The following ENPEP variants were observed in gnomAD, a reference collection of about 807,000 sequenced individuals.
The protein encoded by ENPEP is glutamyl aminopeptidase.
Under a neutral mutation model 114.5 loss-of-function variants are expected in ENPEP, and 103 were observed. The observed-to-expected ratio is 0.90, with a 90% CI of 0.77 to 1.06. The LOEUF (loss-of-function observed/expected upper bound fraction) is 1.06. Among genes scored for constraint, ENPEP ranks in the 50% least tolerant of loss-of-function variants. The pLI is 0.00. For missense variants in ENPEP, 1,196 were observed against 1,161.3 expected, an observed-to-expected ratio of 1.03 and a Z score of -0.43; for synonymous variants, 420 against 422.0, an observed-to-expected ratio of 1.00 and a Z score of 0.06.
At chr4:110,515,843 C>G (rs1283913941) in intron 8 of ENPEP, 1 of 456,026 alleles carries the variant, frequency 2.2e-6, no homozygotes, top group Middle Eastern at 3.3e-4. Context: ...AGCCTCTCTT[C>G]CGGGCTTGCA....
chr4:110,498,397 A>G (rs1277096473), intron 3 of ENPEP, among the ~76,000 whole-genome samples: 1 of 152,146 alleles, frequency 6.6e-6, no homozygotes, highest in African/African-American at 2.4e-5. Context: ...CTGCGGGATG[A>G]TCAGCAGTGA....
intron 19 of ENPEP, among the ~76,000 whole-genome samples, 171 bp downstream of exon 19, chr4:110,559,896 T>G (rs567753519): frequency 6.6e-6 from 1 of 152,320 alleles, no homozygotes; most frequent in South Asian, 2.1e-4. Flanking sequence ...ATCTAGGTTT[T>G]AAGCCCCGCA....
chr4:110,548,324 G>A lies in ENPEP; in HGVS notation c.2149G>A (p.Glu717Lys). Residue 717 changes from glutamate to lysine, a missense_variant and splice_region_variant, in exon 14 of 20, where the codon GAG becomes AAG. Glu to Lys is a moderately conservative substitution (Grantham distance 56, BLOSUM62 1). Transcript: ENST00000265162. Reference protein sequence around the residue: ...EDDKELYPMIEEYFQGQVKPI... With the variant: ...EDDKELYPMIKEYFQGQVKPI... ...TGATAAAGAGCTATATCCTATGATT[G>A]AGGTGACGTTAATGCTATGGTATCT... 2 of 1,573,176 alleles carry A rather than the reference G, an allele frequency of 1.3e-6. No homozygotes were observed. Among genetic ancestry groups the A allele is most frequent in the Non-Finnish European group, 1.7e-6 (2 of 1,161,970 alleles).
intron 8 of ENPEP, among the ~76,000 whole-genome samples, chr4:110,516,200 A>C (rs917748230): frequency 6.6e-6 from 1 of 152,078 alleles, no homozygotes; most frequent in Non-Finnish European, 1.5e-5. Context: ...TCAGTGAATA[A>C]AGAGGCTTGC....
Position 110,510,334 on chromosome 4 carries a change from C to A in ENPEP, c.1284C>A (p.Asn428Lys), listed in dbSNP as rs935751352. ...CTTTCTTTGAGTTTCTGGGAGTAAACCATGCAGAAACAGACTGGCAAATGG... is the reference window on the plus strand; with the variant it reads ...CTTTCTTTGAGTTTCTGGGAGTAAAACATGCAGAAACAGACTGGCAAATGG... The part of the protein sequence containing the change: ...FASFFEFLGV[N>K]HAETDWQMRD... Residue 428 changes from asparagine (N) to lysine (K), a missense_variant, in exon 6 of 20, where the codon AAC (asparagine) becomes AAA (lysine). Transcript: ENST00000265162. The A allele has an allele frequency of 2.5e-6, 4 of 1,613,910 alleles. No individual in the cohort carries two copies. Among genetic ancestry groups the A allele is most frequent in the Admixed American group, 3.3e-5 (2 of 59,998 alleles).
chr4:110,534,700 G>T (rs1297027824), intron 11 of ENPEP, among the ~76,000 whole-genome samples: 1 of 151,090 alleles, frequency 6.6e-6, no homozygotes, highest in Non-Finnish European at 1.5e-5. Context: ...GTAAGGATGG[G>T]GTTTCACAAT....
intron 7 of ENPEP, among the ~76,000 whole-genome samples, chr4:110,514,746 A>C (rs1295115179): frequency 6.6e-6 from 1 of 152,066 alleles, no homozygotes; most frequent in African/African-American, 2.4e-5. Context: ...AATTGATTTA[A>C]AATATTACAA....
At chr4:110,493,464 A>G (rs1724802023) in intron 3 of ENPEP, among the ~76,000 whole-genome samples, 1 of 152,224 alleles carries the variant, frequency 6.6e-6, no homozygotes, top group Non-Finnish European at 1.5e-5. Context: ...TTCCCTTTTG[A>G]AACTTCTCAG....
chr4:110,485,801 T>A (rs1393542685), intron 1 of ENPEP, among the ~76,000 whole-genome samples: 2 of 152,208 alleles, frequency 1.3e-5, no homozygotes, highest in Admixed American at 6.5e-5. Context: ...TCCTCATGAT[T>A]TAAAAATGCA....
chr4:110,511,944 A>G (rs1442828937), intron 6 of ENPEP, among the ~76,000 whole-genome samples: 1 of 151,912 alleles, frequency 6.6e-6, no homozygotes, highest in African/African-American at 2.4e-5. Context: ...TTATATTTTT[A>G]GTAGAGATGG....
chr4:110,538,470 C>T (rs1290879983), intron 11 of ENPEP, among the ~76,000 whole-genome samples: 1 of 152,158 alleles, frequency 6.6e-6, no homozygotes, highest in Non-Finnish European at 1.5e-5. Flanking sequence ...GAGTTAGGGT[C>T]CTTCTCTGGA....
Position 110,491,121 on chromosome 4 carries a change from A to C in ENPEP, c.875A>C (p.His292Pro), listed in dbSNP as rs1268187612. 4 of 1,611,818 alleles carry C rather than the reference A, an allele frequency of 2.5e-6. No individual in the cohort carries two copies. Among genetic ancestry groups the C allele is most frequent in the Non-Finnish European group, 2.5e-6 (3 of 1,179,844 alleles). ...MSTYLVCFAV[H>P]QFDSVKRISN... ...ACGTACCTGGTGTGCTTTGCTGTACATCAATTTGACTCTGTAAAGAGAATA... is the reference window on the plus strand; with the variant it reads ...ACGTACCTGGTGTGCTTTGCTGTACCTCAATTTGACTCTGTAAAGAGAATA... Residue 292 changes from histidine to proline, a missense_variant, in exon 3 of 20, where the codon CAT becomes CCT. Physicochemically the swap from His to Pro is moderately conservative, Grantham distance 77 (BLOSUM62 -2). Transcript: ENST00000265162.
intron 13 of ENPEP, 93 bp from the exon 14 acceptor site, chr4:110,548,083 C>T (rs1258505752): frequency 1.2e-5 from 16 of 1,297,710 alleles, no homozygotes; most frequent in African/African-American, 7.7e-5. Flanking sequence ...ATGCTTTGAT[C>T]GCCAAAACTT....
chr4:110,487,952 G>A (rs1027531987), intron 1 of ENPEP, among the ~76,000 whole-genome samples: 3 of 152,208 alleles, frequency 2.0e-5, no homozygotes, highest in Admixed American at 6.5e-5. Context: ...TAGGACAAAG[G>A]TTACTTCACC....
chr4:110,558,536 C>T (rs2110403797), intron 18 of ENPEP, among the ~76,000 whole-genome samples: 1 of 152,232 alleles, frequency 6.6e-6, no homozygotes, highest in South Asian at 2.1e-4. Flanking sequence ...CTCAAGCCAT[C>T]TGTCCACCTT....
intron 11 of ENPEP, among the ~76,000 whole-genome samples, chr4:110,534,383 C>A (rs1726526344): frequency 6.6e-6 from 1 of 151,962 alleles, no homozygotes. Context: ...CATCTCCTGT[C>A]ATAAAATATA....
At chr4:110,549,447 T>G in intron 15 of ENPEP, 28 bp downstream of exon 15, 1 of 1,612,512 alleles carries the variant, frequency 6.2e-7, no homozygotes, top group Non-Finnish European at 8.5e-7. Context: ...ACAACTAAAA[T>G]TCATTTAACA....
intron 11 of ENPEP, among the ~76,000 whole-genome samples, chr4:110,538,654 A>C (rs1726735148): frequency 6.6e-6 from 1 of 152,166 alleles, no homozygotes; most frequent in African/African-American, 2.4e-5. Flanking sequence ...AACTTGGCTA[A>C]CTGTGTGGTA....
intron 1 of ENPEP, among the ~76,000 whole-genome samples, chr4:110,483,257 A>G (rs6813719): frequency 0.58 from 87,691 of 151,350 alleles, 25,547 homozygotes; most frequent in East Asian, 0.77. Flanking sequence ...CTGCTCCTCT[A>G]TGTAATTCTG....
Sources: gnomAD v4.1 joint callset for allele counts (sites outside exome capture counted in the v4.1 genomes callset) on GRCh38, gnomAD v4.1.1 for gene constraint, MANE v1.5 for transcripts, NCBI Gene and HGNC (gene_info 2026-07-23, HGNC 2026-07-21) for gene names.